ZNG1A: variants seen among roughly 807,000 people sequenced by gnomAD.
ZNG1A encodes the protein zinc-regulated GTPase metalloprotein activator 1A.
At chr9:161,276 C>G in the ZNG1A span, among the ~76,000 whole-genome samples, 27 of 151,736 alleles carry the variant, frequency 1.8e-4, no homozygotes, top group African/African-American at 6.3e-4. Flanking sequence ...CATGACCAGG[C>G]TGGTCAACAT....
the ZNG1A span, chr9:154,925 T>A: frequency 1.1e-6 from 1 of 934,484 alleles, no homozygotes; most frequent in Non-Finnish European, 1.6e-6. Flanking sequence ...AATATATCAG[T>A]TAAGAATTAT....
the ZNG1A span, among the ~76,000 whole-genome samples, chr9:176,837 T>C: frequency 6.7e-6 from 1 of 149,646 alleles, no homozygotes; most frequent in South Asian, 2.1e-4. Flanking sequence ...TTTAACCATA[T>C]TATGAAAAAA....
At chr9:160,264 C>G in the ZNG1A span, 288 of 443,292 alleles carry the variant, frequency 6.5e-4, 2 homozygotes, top group East Asian at 0.017. Context: ...CATTTCTCAG[C>G]TTTACTTGTG....
the ZNG1A span, among the ~76,000 whole-genome samples, chr9:163,392 C>G: frequency 2.0e-5 from 3 of 151,634 alleles, no homozygotes; most frequent in Non-Finnish European, 4.4e-5. Context: ...AATCAAACAA[C>G]AGAGGATACA....
At chr9:140,671 A>G in the ZNG1A span, among the ~76,000 whole-genome samples, 1 of 150,362 alleles carries the variant, frequency 6.7e-6, no homozygotes, top group South Asian at 2.1e-4. Flanking sequence ...CTCACCAGCA[A>G]CGGAACAAAG....
the ZNG1A span, among the ~76,000 whole-genome samples, chr9:158,656 G>A: frequency 1.3e-5 from 2 of 150,536 alleles, no homozygotes; most frequent in Non-Finnish European, 3.0e-5. Context: ...AGCTAACAGT[G>A]GTAGACTAAC....
At chr9:174,962 G>A in the ZNG1A span, among the ~76,000 whole-genome samples, 1 of 151,194 alleles carries the variant, frequency 6.6e-6, no homozygotes, top group African/African-American at 2.4e-5. Flanking sequence ...TTAAAATATT[G>A]AGTTTTAACT....
chr9:143,326 C>T, the ZNG1A span, among the ~76,000 whole-genome samples: 3 of 146,118 alleles, frequency 2.1e-5, no homozygotes, highest in African/African-American at 7.8e-5. Context: ...TCCAGCAGCA[C>T]ATCAAAAAGC....
At chr9:142,745 G>A in the ZNG1A span, among the ~76,000 whole-genome samples, 1 of 145,962 alleles carries the variant, frequency 6.9e-6, no homozygotes, top group Non-Finnish European at 1.5e-5. Flanking sequence ...AAAATTTAAT[G>A]AATCCAGGAG....
chr9:139,236 A>C, the ZNG1A span, among the ~76,000 whole-genome samples: 15 of 149,894 alleles, frequency 1.0e-4, no homozygotes, highest in East Asian at 2.5e-3. Context: ...AACCTTGATG[A>C]CTTTACGCTA....
chr9:177,121 G>C, the ZNG1A span, among the ~76,000 whole-genome samples: 2 of 152,124 alleles, frequency 1.3e-5, no homozygotes, highest in African/African-American at 2.4e-5. Flanking sequence ...TATTCCAAGG[G>C]GCTAAAACAC....
chr9:160,031 A>T, the ZNG1A span: 1 of 454,316 alleles, frequency 2.2e-6, no homozygotes, highest in Non-Finnish European at 4.4e-6. Context: ...CATTGCTTCT[A>T]TTGCATTAAA....
the ZNG1A span, chr9:149,202 C>T: frequency 6.6e-6 from 1 of 151,788 alleles, no homozygotes; most frequent in Non-Finnish European, 1.5e-5. Context: ...GAATCTACCT[C>T]CCAAGAGGCA....
the ZNG1A span, chr9:172,594 CT>C: frequency 6.4e-6 from 1 of 156,472 alleles, no homozygotes; most frequent in African/African-American, 2.4e-5. Flanking sequence ...TTTTAATTTC[CT>C]TTTTTCTTAT....
chr9:155,086 A>G, the ZNG1A span, among the ~76,000 whole-genome samples: 3 of 151,778 alleles, frequency 2.0e-5, no homozygotes, highest in Non-Finnish European at 2.9e-5. Flanking sequence ...CTTGTGCTAC[A>G]AAGATAAGTC....
chr9:171,654 T>A, the ZNG1A span: 10 of 219,142 alleles, frequency 4.6e-5, no homozygotes, highest in Non-Finnish European at 8.2e-5. Context: ...AGGATGTGCA[T>A]AGCTTATAGG....
At chr9:140,454 T>C in the ZNG1A span, among the ~76,000 whole-genome samples, 1,692 of 151,090 alleles carry the variant, frequency 0.011, 36 homozygotes, top group African/African-American at 0.04. Context: ...CTGAAGGTCG[T>C]GTCTGTTAGA....
chr9:122,614 A>G, the ZNG1A span: 1 of 1,016,380 alleles, frequency 9.8e-7, no homozygotes, highest in South Asian at 3.8e-5. Context: ...ATGAGAAACG[A>G]ATTATCTGAT....
the ZNG1A span, chr9:172,305 T>C: frequency 9.2e-7 from 1 of 1,086,702 alleles, no homozygotes; most frequent in Non-Finnish European, 1.3e-6. Context: ...AACTCACTTC[T>C]AACCTTCTAA....
Sources: gnomAD v4.1 joint callset for allele counts (sites outside exome capture counted in the v4.1 genomes callset) on GRCh38, gnomAD v4.1.1 for gene constraint, MANE v1.5 for transcripts, NCBI Gene and HGNC (gene_info 2026-07-23, HGNC 2026-07-21) for gene names.